Variants in UBA52 observed in about 807,000 individuals in gnomAD.
UBA52 encodes ubiquitin-ribosomal protein eL40 fusion protein.
A neutral mutation model predicts 15.3 loss-of-function variants in UBA52; 1 was observed. The observed-to-expected ratio is 0.07, with a 90% confidence interval of 0.02 to 0.31. The LOEUF is 0.31. UBA52 is among the 10% of genes least tolerant of loss of function. The probability of loss-of-function intolerance (pLI) is 1.00; values close to 1 mark genes in which losing one functional copy is unlikely to be tolerated. For missense variants in UBA52, 87 were observed against 168.0 expected, an observed-to-expected ratio of 0.52 and a Z score of 2.66; for synonymous variants, 50 against 58.3, an observed-to-expected ratio of 0.86 and a Z score of 0.65.
intron 3 of UBA52, among the ~76,000 whole-genome samples, chr19:18,574,293 T>C (rs1975666942): frequency 6.6e-6 from 1 of 151,790 alleles, no homozygotes; most frequent in East Asian, 1.9e-4. Context: ...GCGACAAGAA[T>C]TCAGTGTCCT....
upstream of UBA52, chr19:18,567,254 T>A: frequency 6.9e-7 from 1 of 1,451,442 alleles, no homozygotes; most frequent in Non-Finnish European, 9.6e-7. Flanking sequence ...GAAGGCCACC[T>A]TGGGGCCTGA....
chr19:18,570,756 C>T (rs1975452464), upstream of UBA52, among the ~76,000 whole-genome samples: 1 of 151,548 alleles, frequency 6.6e-6, no homozygotes, highest in Non-Finnish European at 1.5e-5. Flanking sequence ...GGCACTCTCT[C>T]GGCTAATTGC....
chr19:18,573,977 C>T (rs1232888389), intron 3 of UBA52, among the ~76,000 whole-genome samples: 1 of 124,308 alleles, frequency 8.0e-6, no homozygotes, highest in Non-Finnish European at 1.9e-5. Context: ...GTGGTGAAAT[C>T]CCGTTTCTAT....
upstream of UBA52, chr19:18,568,398 C>G: frequency 6.2e-7 from 1 of 1,611,316 alleles, no homozygotes; most frequent in Non-Finnish European, 8.5e-7. Flanking sequence ...CCTCCTTCCC[C>G]CAGATATCCC....
the UBA52 span, among the ~76,000 whole-genome samples, chr19:18,564,165 A>G: frequency 0.5 from 75,142 of 151,374 alleles, 19,737 homozygotes; most frequent in East Asian, 0.66. Context: ...AATTGCAGGC[A>G]TGAGCCCCCA....
chr19:18,565,250 G>A, the UBA52 span: 2 of 1,188,050 alleles, frequency 1.7e-6, no homozygotes, highest in Non-Finnish European at 2.2e-6. Context: ...TTTTTTTGGA[G>A]ACGGAGTCTC....
At chr19:18,573,816 C>A in intron 3 of UBA52, 68 bp downstream of exon 3, 3 of 1,465,056 alleles carry the variant, frequency 2.0e-6, no homozygotes, top group Non-Finnish European at 2.8e-6. Flanking sequence ...GCATTGATGG[C>A]CTCAGGGGTT....
At chr19:18,564,075 C>T in the UBA52 span, among the ~76,000 whole-genome samples, 4 of 152,128 alleles carry the variant, frequency 2.6e-5, no homozygotes, top group East Asian at 2.0e-4. Context: ...TTGGTAGAGA[C>T]GCGGTTTTCC....
upstream of UBA52, chr19:18,568,778 G>A (rs998293827): frequency 6.4e-6 from 4 of 628,936 alleles, no homozygotes; most frequent in African/African-American, 5.5e-5. Context: ...TCTCTCCCGA[G>A]GGGTGTGGAA....
In UBA52 at chr19:18,576,365, T is replaced by C. The variant is rs10425018; in HGVS notation, c.*1215T>C. The C allele has an allele frequency of 0.64, 97,660 of 152,166 alleles. 31,741 individuals carry two copies. Among genetic ancestry groups the C allele is most frequent in the African/African-American group, 0.75 (31,019 of 41,458 alleles). The allele number at this position is 152,166 out of a possible 1,614,324, so 9.4% of individuals were successfully genotyped here. On this transcript the variant is annotated 3_prime_UTR_variant, in exon 5 of 5. Transcript: ENST00000442744. ...TCAGTAGGCTGAGGTGGGCAAATCA[T>C]AAGGTCAAGAGTTTTTTAGATGGGG...
At chr19:18,568,192 G>C (rs1040663995), upstream of UBA52, among the ~76,000 whole-genome samples, 4 of 151,618 alleles carry the variant, frequency 2.6e-5, no homozygotes, top group African/African-American at 4.9e-5. Context: ...GCTTGAACCC[G>C]GGAGACGGAG....
chr19:18,567,866 C>T (rs959626504), upstream of UBA52, among the ~76,000 whole-genome samples: 3 of 152,204 alleles, frequency 2.0e-5, no homozygotes, highest in Non-Finnish European at 2.9e-5. Flanking sequence ...GGTTCGCCCT[C>T]AGGGCTCCTG....
the UBA52 span, among the ~76,000 whole-genome samples, chr19:18,566,663 C>A: frequency 2.0e-5 from 3 of 151,474 alleles, no homozygotes; most frequent in South Asian, 6.2e-4. Flanking sequence ...CATGGTGGCA[C>A]GTGCCTGTAA....
rs1213831792 is a variant in UBA52, at chr19:18,576,401, C to T, written c.*1251C>T. 1 of 152,168 alleles carries T rather than the reference C, an allele frequency of 6.6e-6. No homozygotes were observed. Among genetic ancestry groups the T allele is most frequent in the Non-Finnish European group, 1.5e-5 (1 of 68,066 alleles). The allele number at this position is 152,168 out of a possible 1,614,324, so 9.4% of individuals were successfully genotyped here. ...GTTTTTTAGATGGGGTGAGCACAGA[C>T]CAATTCCTGTTTTATTTACTGATTT... is the stretch of plus-strand genomic sequence containing the variant. On this transcript the variant is annotated 3_prime_UTR_variant, in exon 5 of 5. Coordinates refer to ENST00000442744, the MANE Select transcript of UBA52 (RefSeq NM_001033930.3).
rs377710090 is a variant in UBA52, at chr19:18,573,368, T to C, written c.68T>C (p.Ile23Thr). ...ITLEVEPSDT[I>T]ENVKAKIQDK... ...CTTGAGGTCGAGCCCAGTGACACCA[T>C]TGAGAATGTCAAAGCCAAAATTCAA... Residue 23 changes from isoleucine (I) to threonine (T), a missense_variant, in exon 2 of 5, where the codon ATT becomes ACT. Ile to Thr is a moderately conservative substitution (Grantham distance 89, BLOSUM62 -1). Transcript: ENST00000442744. 69 of 1,613,954 alleles carry C rather than the reference T, an allele frequency of 4.3e-5. No individual in the cohort carries two copies. The highest frequency in any genetic ancestry group is 5.6e-5 in the Non-Finnish European group (66 of 1,179,988).
At chr19:18,566,455 C>CAAAA in the UBA52 span, among the ~76,000 whole-genome samples, 1 of 116,650 alleles carries the variant, frequency 8.6e-6, no homozygotes, top group Admixed American at 8.8e-5. Context: ...GACTCCGTCT[C>CAAAA]AAAAAAAAAA....
intron 2 of UBA52, 35 bp from the exon 3 acceptor site, chr19:18,573,627 C>T (rs758845041): frequency 8.7e-6 from 14 of 1,606,900 alleles, no homozygotes; most frequent in Middle Eastern, 3.3e-4. Context: ...TAATATGGTC[C>T]GCAGAGCCTC....
Position 18,575,736 on chromosome 19 carries a change from T to TTTTG in UBA52, c.*610_*613dup, listed in dbSNP as rs369757047. ...GCCATGCCTGACCCAGTTCTCAGTT[T>TTTTG]TTTGTTTGTTTGTTTGTTTGTTTGT... On this transcript the variant is annotated 3_prime_UTR_variant, in exon 5 of 5. Transcript: ENST00000442744. 6.6e-3 allele frequency: 1,061 copies of TTTTG among 159,620 alleles called. 11 individuals are homozygous for TTTTG. Among genetic ancestry groups the TTTTG allele is most frequent in the Non-Finnish European group, 0.01 (733 of 73,230 alleles). 9.9% of individuals were successfully genotyped at this position (159,620 alleles called of 1,614,324 possible). A position where few individuals can be genotyped will look rare whatever the true frequency, so the allele number is the denominator to read the frequency against.
upstream of UBA52, chr19:18,568,369 G>A (rs1286658971): frequency 6.4e-7 from 1 of 1,557,710 alleles, no homozygotes. Flanking sequence ...TTGGCAAGGT[G>A]ACAAAACCAA....
Sources: gnomAD v4.1 joint callset for allele counts (sites outside exome capture counted in the v4.1 genomes callset) on GRCh38, gnomAD v4.1.1 for gene constraint, MANE v1.5 for transcripts, NCBI Gene and HGNC (gene_info 2026-07-23, HGNC 2026-07-21) for gene names.